Variants in COLEC11 observed in about 807,000 individuals in gnomAD.
The protein encoded by COLEC11 is collectin-11.
In COLEC11, 20 loss-of-function variants were observed where a neutral mutation model predicts 27.3. The observed-to-expected ratio is 0.73, with a 90% CI of 0.51 to 1.06. The LOEUF is 1.06. COLEC11 is among the 50% of genes least tolerant of loss of function. The pLI is 0.00. For missense variants in COLEC11, 310 were observed against 383.0 expected (o/e 0.81, Z 1.59); for synonymous variants, 163 against 154.7 (o/e 1.05, Z -0.40).
At chr2:3,618,661 C>G (rs1411212100) in intron 3 of COLEC11, among the ~76,000 whole-genome samples, 1 of 152,166 alleles carries the variant, frequency 6.6e-6, no homozygotes, top group Non-Finnish European at 1.5e-5. Flanking sequence ...TTTGGCTATA[C>G]ATGACCTTTT....
At chr2:3,633,889 G>A (rs117881377) in intron 3 of COLEC11, among the ~76,000 whole-genome samples, 5 of 152,314 alleles carry the variant, frequency 3.3e-5, no homozygotes, top group African/African-American at 7.2e-5. Flanking sequence ...TGTTTCCTGC[G>A]CAGACAGGGC....
intron 4 of COLEC11, among the ~76,000 whole-genome samples, chr2:3,638,871 A>G (rs1368759119): frequency 6.6e-6 from 1 of 152,236 alleles, no homozygotes; most frequent in Non-Finnish European, 1.5e-5. Flanking sequence ...ATTCAGGGAC[A>G]TTGAGTACAT....
rs180855868 is a variant in COLEC11, at chr2:3,642,327, G to A, written c.329-1117G>A. Reference sequence around the variant, plus strand: ...GAGCAGCACGCGTGTGGTCACAGGCGTATGGGAACGGAATGAGCTCATTGA... The same window carrying A: ...GAGCAGCACGCGTGTGGTCACAGGCATATGGGAACGGAATGAGCTCATTGA... On this transcript the variant is annotated intron_variant, in intron 5 of 6. Coordinates refer to ENST00000349077, the MANE Select transcript of COLEC11 (RefSeq NM_024027.5). 3.3e-4 allele frequency among the ~76,000 whole-genome samples: 51 copies of A among 152,326 alleles called. 2 individuals carry two copies. The East Asian group carries it at 8.7e-3, about 26-fold the overall frequency.
chr2:3,636,736 A>G (rs1207013729), intron 3 of COLEC11, among the ~76,000 whole-genome samples: 1 of 152,126 alleles, frequency 6.6e-6, no homozygotes, highest in Non-Finnish European at 1.5e-5. Flanking sequence ...AGGGCTTAAC[A>G]CTTTGCGGGA....
chr2:3,614,966 T>TA (rs542237004), intron 3 of COLEC11, among the ~76,000 whole-genome samples: 13 of 152,292 alleles, frequency 8.5e-5, no homozygotes, highest in Admixed American at 4.6e-4. Flanking sequence ...GAGGGAAACT[T>TA]ATTTCCATTC....
Position 3,641,411 on chromosome 2 carries a change from T to C in COLEC11, c.328+1080T>C, listed in dbSNP as rs116524894. 10,233 of 1,293,744 alleles carry C rather than the reference T, an allele frequency of 7.9e-3. 259 individuals are homozygous for C. In the African/African-American group the frequency reaches 0.081, roughly 10 times the overall value. The allele number at this position is 1,293,744 out of a possible 1,614,324, so 80.1% of individuals were successfully genotyped here. On this transcript the variant is annotated intron_variant, in intron 5 of 6. Transcript: ENST00000349077. Reference sequence around the variant, plus strand: ...ACCTGAGGGGCCCGGACAAAGCCTCTGGGAGACAGAAGGACCTGGAGGCAG... The same window carrying C: ...ACCTGAGGGGCCCGGACAAAGCCTCCGGGAGACAGAAGGACCTGGAGGCAG...
chr2:3,642,105 G>T (rs1187520163), intron 5 of COLEC11, among the ~76,000 whole-genome samples: 1 of 152,326 alleles, frequency 6.6e-6, no homozygotes, highest in African/African-American at 2.4e-5. Flanking sequence ...GTGTAGCTCA[G>T]TTGATTAGCG....
intron 2 of COLEC11, among the ~76,000 whole-genome samples, chr2:3,607,865 C>A: frequency 6.6e-6 from 1 of 152,234 alleles, no homozygotes; most frequent in East Asian, 1.9e-4. Flanking sequence ...CACCTGACGG[C>A]CTGTCTGTGC....
rs1326697022 is a variant in COLEC11 at position 3,616,045 on chromosome 2, G to A, written c.202+2663G>A. 1.1e-4 allele frequency among the ~76,000 whole-genome samples: 16 copies of A among 151,508 alleles called. No individual in the cohort carries two copies. In the East Asian group the frequency reaches 3.2e-3, roughly 30 times the overall value. ...GAGGGGCTCCTCACCTCTGAGGCGG[G>A]GCGGCCGGGCAGAGACGCTCCTCAC... On this transcript the variant is annotated intron_variant, in intron 3 of 6. Coordinates refer to ENST00000349077, the MANE Select transcript of COLEC11 (RefSeq NM_024027.5).
At chr2:3,603,226 C>T (rs1662368459) in intron 1 of COLEC11, among the ~76,000 whole-genome samples, 1 of 152,258 alleles carries the variant, frequency 6.6e-6, no homozygotes, top group South Asian at 2.1e-4. Context: ...CCCTCTCTCC[C>T]CTCCTGTCCC....
rs375599637 is a variant in COLEC11 at position 3,637,445 on chromosome 2, C to T, written c.203-88C>T. ...TGTGCCTGTGATGTAGGAAGGAGGG[C>T]GGTCGGGTTATCCGTGCACGTGTGT... On this transcript the variant is annotated intron_variant, in intron 3 of 6. Coordinates refer to ENST00000349077, the MANE Select transcript of COLEC11 (RefSeq NM_024027.5). 1.1e-4 allele frequency: 106 copies of T among 925,044 alleles called. 2 individuals carry two copies. The East Asian group carries it at 1.5e-3, about 13-fold the overall frequency. 57.3% of individuals were successfully genotyped at this position (925,044 alleles called of 1,614,324 possible). A position where few individuals can be genotyped will look rare whatever the true frequency, so the allele number is the denominator to read the frequency against.
Position 3,637,590 on chromosome 2 carries a change from C to T in COLEC11, c.260C>T (p.Pro87Leu). Residue 87 changes from proline to leucine, a missense_variant, in exon 4 of 7, where the codon CCC becomes CTC. Physicochemically the swap from Pro to Leu is moderately conservative, Grantham distance 98 (BLOSUM62 -3). Coordinates refer to ENST00000349077, the MANE Select transcript of COLEC11 (RefSeq NM_024027.5). ...GSVGRHGKIG[P>L]IGSKGEKGDS... ...GTGGGTCGTCATGGAAAAATTGGTC[C>T]CATTGGCTCTAAAGGTATTTGCAAT... 6.2e-7 allele frequency: 1 copy of T among 1,613,950 alleles called. No homozygotes were observed. Among genetic ancestry groups the T allele is most frequent in the South Asian group, 1.1e-5 (1 of 91,082 alleles).
At chr2:3,641,720 G>T (rs971173695) in intron 5 of COLEC11, among the ~76,000 whole-genome samples, 4 of 152,190 alleles carry the variant, frequency 2.6e-5, no homozygotes, top group African/African-American at 4.8e-5. Flanking sequence ...GTGAGTGGAG[G>T]GGGGGTGTCT....
At chr2:3,609,539 T>TTTC (rs1459664130) in intron 2 of COLEC11, among the ~76,000 whole-genome samples, 1 of 151,348 alleles carries the variant, frequency 6.6e-6, no homozygotes, top group African/African-American at 2.4e-5. Flanking sequence ...CCTGCTATTT[T>TTTC]TTTTTTTGAA....
chr2:3,636,895 C>G (rs1229521269), intron 3 of COLEC11, among the ~76,000 whole-genome samples: 1 of 152,136 alleles, frequency 6.6e-6, no homozygotes, highest in African/African-American at 2.4e-5. Flanking sequence ...GGGTGGGGGA[C>G]ACACACCACC....
intron 3 of COLEC11, among the ~76,000 whole-genome samples, chr2:3,627,068 A>G (rs1664610158): frequency 6.6e-6 from 1 of 152,124 alleles, no homozygotes; most frequent in African/African-American, 2.4e-5. Context: ...GCGGGGGCAC[A>G]GTGGCAGTTC....
chr2:3,612,275 T>TGCACACACAC (rs1417312974), intron 2 of COLEC11, among the ~76,000 whole-genome samples: 1 of 151,978 alleles, frequency 6.6e-6, no homozygotes, highest in Non-Finnish European at 1.5e-5. Context: ...TGCACACACA[T>TGCACACACAC]GCACACACAC....
chr2:3,618,326 C>T (rs191829331), intron 3 of COLEC11, among the ~76,000 whole-genome samples: 3 of 152,284 alleles, frequency 2.0e-5, no homozygotes. Flanking sequence ...TCTGTGATTT[C>T]AGGTATTACA....
Position 3,602,991 on chromosome 2 carries a change from T to A in COLEC11, c.-26-1324T>A, listed in dbSNP as rs1401619158. 6.6e-6 allele frequency among the ~76,000 whole-genome samples: 1 copy of A among 152,264 alleles called. No homozygotes were observed. The highest frequency in any genetic ancestry group is 1.5e-5 in the Non-Finnish European group (1 of 68,048). On this transcript the variant is annotated intron_variant, in intron 1 of 6. Coordinates refer to ENST00000349077, the MANE Select transcript of COLEC11 (RefSeq NM_024027.5). This position sits in a 1 kb window ranked among gnomAD's most constrained non-coding sequence, Gnocchi z 6.2. ...AACATAAATGTTCTTGCTCTACTCC[T>A]GGTGCCTAGAGCTGTGCCTGACATT...
Sources: gnomAD v4.1 joint callset for allele counts (sites outside exome capture counted in the v4.1 genomes callset) on GRCh38, gnomAD v4.1.1 for gene constraint, Gnocchi (gnomAD v3.1) non-coding constraint, MANE v1.5 for transcripts, NCBI Gene and HGNC (gene_info 2026-07-23, HGNC 2026-07-21) for gene names.